MARCHF1: variants seen among roughly 807,000 people sequenced by gnomAD.
MARCHF1 encodes the protein E3 ubiquitin-protein ligase MARCHF1.
A neutral mutation model predicts 54.2 loss-of-function variants in MARCHF1; 40 were observed. That is an observed-to-expected ratio of 0.74 (90% CI 0.57 to 0.96). The LOEUF is 0.96. Among genes scored for constraint, MARCHF1 ranks in the 40% least tolerant of loss-of-function variants. MARCHF1 has a pLI of 0.00. For synonymous variants in MARCHF1, 236 were observed against 236.3 expected, an observed-to-expected ratio of 1.00 and a Z score of 0.01; for missense variants, 586 against 656.5, an observed-to-expected ratio of 0.89 and a Z score of 1.17.
At position 163,900,977 on chromosome 4, in the gene MARCHF1, G is replaced by A. The variant is rs192968462; in HGVS notation, c.-38-46808C>T. 3.3e-5 allele frequency among the ~76,000 whole-genome samples: 5 copies of A among 152,230 alleles called. No homozygotes were observed. The East Asian group carries it at 7.7e-4, about 23-fold the overall frequency. ...ATGTCAGATGTTTATGGCAGATCCT[G>A]GCCTGTCTACCATAAAACAAACTAG... On this transcript the variant is annotated intron_variant, in intron 3 of 9. Coordinates refer to ENST00000514618, the MANE Select transcript of MARCHF1 (RefSeq NM_001394959.1).
At chr4:164,328,469 T>A (rs1293527916) in intron 1 of MARCHF1, among the ~76,000 whole-genome samples, 2 of 152,126 alleles carry the variant, frequency 1.3e-5, no homozygotes, top group African/African-American at 4.8e-5. Context: ...ATACTAAAGA[T>A]AATGTGCAAC....
rs373300860 is a variant in MARCHF1, at chr4:164,314,555, G to C, written c.-323+69315C>G. Among the ~76,000 whole-genome samples, 4 of 152,224 alleles carry C rather than the reference G, an allele frequency of 2.6e-5. No homozygotes were observed. The East Asian group carries it at 7.7e-4, about 29-fold the overall frequency. On this transcript the variant is annotated intron_variant, in intron 1 of 9. Transcript: ENST00000514618. ...TCAGTACTCACGCAGGCATACACTT[G>C]AAAGTGAGCCAAATTTTAACCCTGG...
chr4:164,265,170 T>G (rs1029531046), intron 1 of MARCHF1, among the ~76,000 whole-genome samples: 1 of 152,130 alleles, frequency 6.6e-6, no homozygotes, highest in African/African-American at 2.4e-5. Context: ...TTGCTTTAAT[T>G]TGAAATATTA....
chr4:163,633,344 T>C (rs945444256), intron 5 of MARCHF1, among the ~76,000 whole-genome samples: 7 of 152,032 alleles, frequency 4.6e-5, no homozygotes, highest in Non-Finnish European at 8.8e-5. Context: ...GTTGAAAACT[T>C]TGAAAAAAAT....
chr4:164,269,909 C>T (rs757951504), intron 1 of MARCHF1, among the ~76,000 whole-genome samples: 1 of 152,124 alleles, frequency 6.6e-6, no homozygotes, highest in Non-Finnish European at 1.5e-5. Flanking sequence ...TTTACAGTAG[C>T]CTCCTAAATG....
intron 1 of MARCHF1, among the ~76,000 whole-genome samples, chr4:164,176,968 C>CA (rs1201114627): frequency 1.1e-3 from 46 of 43,332 alleles, no homozygotes; most frequent in South Asian, 2.2e-3. Context: ...CTCTCTCTCT[C>CA]TCTCTCTCTC....
chr4:164,145,808 G>A lies in MARCHF1; in HGVS notation c.-322-34146C>T, dbSNP rs1451308811. On this transcript the variant is annotated intron_variant, in intron 1 of 9. Coordinates refer to ENST00000514618, the MANE Select transcript of MARCHF1 (RefSeq NM_001394959.1). Reference sequence around the variant, plus strand: ...ACCACTCCTATTCAACATAGTGTTGGAAGTTCTGGCCAGGGCAATCAGGCA... The same window carrying A: ...ACCACTCCTATTCAACATAGTGTTGAAAGTTCTGGCCAGGGCAATCAGGCA... Among the ~76,000 whole-genome samples the A allele has an allele frequency of 6.3e-5, 8 of 126,048 alleles. No individual in the cohort carries two copies. In the East Asian group the frequency reaches 1.7e-3, roughly 26 times the overall value. 82.7% of individuals were successfully genotyped at this position (126,048 alleles called of 152,430 possible).
intron 3 of MARCHF1, among the ~76,000 whole-genome samples, chr4:163,866,499 TTATA>T (rs1410033378): frequency 5.2e-5 from 7 of 135,532 alleles, no homozygotes; most frequent in Admixed American, 3.8e-4. Flanking sequence ...CTGTAGTAGT[TTATA>T]TAATATATAT....
chr4:164,232,314 A>G (rs1732435482), intron 1 of MARCHF1, among the ~76,000 whole-genome samples: 1 of 152,164 alleles, frequency 6.6e-6, no homozygotes, highest in Non-Finnish European at 1.5e-5. Flanking sequence ...CAATGAATAA[A>G]TATTATTCCT....
At chr4:163,812,464 A>G (rs896853523) in intron 4 of MARCHF1, among the ~76,000 whole-genome samples, 4 of 152,096 alleles carry the variant, frequency 2.6e-5, no homozygotes, top group Non-Finnish European at 4.4e-5. Flanking sequence ...CTGATTCAAA[A>G]CTTTTGAAAC....
intron 3 of MARCHF1, among the ~76,000 whole-genome samples, chr4:163,868,963 T>C (rs1579353693): frequency 6.6e-6 from 1 of 151,316 alleles, no homozygotes; most frequent in East Asian, 2.0e-4. Flanking sequence ...ATATTCCTGA[T>C]GGCACTATTT....
At chr4:164,314,875 C>A (rs1692989981) in intron 1 of MARCHF1, among the ~76,000 whole-genome samples, 1 of 152,096 alleles carries the variant, frequency 6.6e-6, no homozygotes, top group African/African-American at 2.4e-5. Flanking sequence ...CCTCCCAGGT[C>A]CTATTCTTCT....
chr4:163,871,822 C>G (rs1445606229), intron 3 of MARCHF1, among the ~76,000 whole-genome samples: 3 of 151,958 alleles, frequency 2.0e-5, no homozygotes, highest in African/African-American at 7.2e-5. Flanking sequence ...TATTTGATCC[C>G]AGGGATTCCT....
intron 9 of MARCHF1, among the ~76,000 whole-genome samples, chr4:163,541,819 A>T (rs1738732300): frequency 6.6e-6 from 1 of 152,230 alleles, no homozygotes; most frequent in Non-Finnish European, 1.5e-5. Flanking sequence ...TAAATTCAGG[A>T]TCAGCACTCA....
At chr4:164,218,615 C>T (rs1254797765) in intron 1 of MARCHF1, among the ~76,000 whole-genome samples, 2 of 149,002 alleles carry the variant, frequency 1.3e-5, no homozygotes, top group Non-Finnish European at 3.0e-5. Flanking sequence ...AAACCAAACA[C>T]CACATTTTCT....
At chr4:164,240,124 A>G (rs1026785002) in intron 1 of MARCHF1, among the ~76,000 whole-genome samples, 4 of 152,198 alleles carry the variant, frequency 2.6e-5, no homozygotes, top group African/African-American at 9.6e-5. Context: ...ACATGTAAAT[A>G]AGAACCAGGA....
intron 4 of MARCHF1, among the ~76,000 whole-genome samples, chr4:163,725,386 G>T (rs1448356644): frequency 3.3e-5 from 5 of 151,882 alleles, no homozygotes; most frequent in Non-Finnish European, 7.4e-5. Flanking sequence ...GCTAAGGTGG[G>T]AGGATCACTT....
intron 1 of MARCHF1, among the ~76,000 whole-genome samples, chr4:164,159,940 C>T (rs923538843): frequency 1.3e-5 from 2 of 152,086 alleles, no homozygotes; most frequent in Admixed American, 6.6e-5. Context: ...AGTGTTCTGA[C>T]CTATAAAATG....
At chr4:164,014,725 A>G (rs1438992825) in intron 2 of MARCHF1, among the ~76,000 whole-genome samples, 1 of 152,204 alleles carries the variant, frequency 6.6e-6, no homozygotes, top group African/African-American at 2.4e-5. Flanking sequence ...GTAAACTAAA[A>G]AGAGCAGGAG....
Sources: gnomAD v4.1 joint callset for allele counts (sites outside exome capture counted in the v4.1 genomes callset) on GRCh38, gnomAD v4.1.1 for gene constraint, MANE v1.5 for transcripts, NCBI Gene and HGNC (gene_info 2026-07-23, HGNC 2026-07-21) for gene names.